PARD3: variants seen among roughly 807,000 people sequenced by gnomAD.
PARD3 encodes partitioning defective 3 homolog.
A neutral mutation model predicts 155.4 loss-of-function variants in PARD3; 75 were observed. That is an observed-to-expected ratio of 0.48 (90% confidence interval 0.40 to 0.58). The LOEUF is 0.58. PARD3 is among the 20% of genes least tolerant of loss of function. The pLI, the probability that PARD3 is intolerant of heterozygous loss-of-function variation, is 0.00. For missense variants in PARD3, 1,642 were observed against 1,721.7 expected (o/e 0.95, Z 0.82); for synonymous variants, 576 against 610.5 (o/e 0.94, Z 0.83).
At chr10:34,785,261 T>C (rs1004648829) in intron 1 of PARD3, among the ~76,000 whole-genome samples, 1 of 152,150 alleles carries the variant, frequency 6.6e-6, no homozygotes, top group African/African-American at 2.4e-5. Context: ...AAATAAATGG[T>C]TTTTCAAATC....
intron 5 of PARD3, among the ~76,000 whole-genome samples, chr10:34,430,509 C>G (rs1292029639): frequency 6.6e-6 from 1 of 152,170 alleles, no homozygotes; most frequent in South Asian, 2.1e-4. Flanking sequence ...CTTGCATGAA[C>G]TAGCATACGG....
chr10:34,552,830 C>A lies in PARD3; in HGVS notation c.223-35671G>T, dbSNP rs546947050. On this transcript the variant is annotated intron_variant, in intron 2 of 24. Transcript: ENST00000374788. ...TTTAATAAACGGACTGAAAAAAACA[C>A]TTAAAATATCAAAATTACTATCAAA... is the stretch of plus-strand genomic sequence containing the variant. Among the ~76,000 whole-genome samples the A allele has an allele frequency of 1.1e-4, 16 of 152,118 alleles. No homozygotes were observed. In the South Asian group the frequency reaches 3.3e-3, roughly 32 times the overall value.
chr10:34,180,272 C>G (rs1176191131), intron 22 of PARD3, among the ~76,000 whole-genome samples: 2 of 152,174 alleles, frequency 1.3e-5, no homozygotes, highest in Non-Finnish European at 2.9e-5. Context: ...GTCTCGGTCT[C>G]CTCACCTCAT....
At chr10:34,543,065 G>A (rs912719539) in intron 2 of PARD3, among the ~76,000 whole-genome samples, 5 of 151,616 alleles carry the variant, frequency 3.3e-5, no homozygotes, top group African/African-American at 1.2e-4. Context: ...AACTTGGTTT[G>A]GATCCATAAG....
intron 1 of PARD3, among the ~76,000 whole-genome samples, chr10:34,769,916 C>T (rs1838651970): frequency 6.6e-6 from 1 of 151,930 alleles, no homozygotes; most frequent in Non-Finnish European, 1.5e-5. Context: ...GGGGTCCTTT[C>T]CTAAGTGACA....
At chr10:34,710,843 C>G (rs1381449084) in intron 1 of PARD3, among the ~76,000 whole-genome samples, 1 of 152,156 alleles carries the variant, frequency 6.6e-6, no homozygotes, top group Non-Finnish European at 1.5e-5. Flanking sequence ...AGAGTTCCAA[C>G]TACCCAAATT....
chr10:34,559,558 G>A (rs2085296244), intron 2 of PARD3, among the ~76,000 whole-genome samples: 2 of 152,078 alleles, frequency 1.3e-5, no homozygotes, highest in African/African-American at 4.8e-5. Flanking sequence ...TGCATTAGCA[G>A]TCAGAAGAAT....
intron 22 of PARD3, among the ~76,000 whole-genome samples, chr10:34,233,799 C>T (rs1178673481): frequency 6.6e-6 from 1 of 152,114 alleles, no homozygotes; most frequent in Non-Finnish European, 1.5e-5. Context: ...CCAGGAGCAG[C>T]AGCAGCTCCC....
rs180801952 is a variant in PARD3 at position 34,801,933 on chromosome 10, C to T, written c.120+12943G>A. Among the ~76,000 whole-genome samples the T allele has an allele frequency of 3.0e-4, 46 of 152,208 alleles. No homozygotes were observed. The East Asian group carries it at 7.5e-3, about 25-fold the overall frequency. On this transcript the variant is annotated intron_variant, in intron 1 of 24. Coordinates refer to ENST00000374788, the MANE Select transcript of PARD3 (RefSeq NM_001184785.2). ...ATTACTAGTTAATAAACACTAAAGGCCTTTAAAACATCTCTGCATTTTATT... is the reference window on the plus strand; with the variant it reads ...ATTACTAGTTAATAAACACTAAAGGTCTTTAAAACATCTCTGCATTTTATT...
chr10:34,403,891 C>T (rs1160850405), intron 5 of PARD3, among the ~76,000 whole-genome samples: 1 of 152,122 alleles, frequency 6.6e-6, no homozygotes, highest in African/African-American at 2.4e-5. Context: ...TAATCTTACA[C>T]ATTACAGATC....
intron 1 of PARD3, among the ~76,000 whole-genome samples, chr10:34,769,524 G>A (rs1048112222): frequency 6.6e-6 from 1 of 151,814 alleles, no homozygotes; most frequent in Non-Finnish European, 1.5e-5. Flanking sequence ...GGGAGGCTGA[G>A]GCAGGTGGAT....
At chr10:34,142,648 A>AAGGAAGGAAGGCAGGAAGGC (rs370723198) in intron 22 of PARD3, among the ~76,000 whole-genome samples, 2,969 of 151,976 alleles carry the variant, frequency 0.02, 100 homozygotes, top group African/African-American at 0.068. Context: ...CGAAGGAAGG[A>AAGGAAGGAAGGCAGGAAGGC]AGGAAGGAAG....
At chr10:34,410,299 GT>G (rs953199656) in intron 5 of PARD3, among the ~76,000 whole-genome samples, 38 of 146,442 alleles carry the variant, frequency 2.6e-4, no homozygotes, top group African/African-American at 7.2e-4. Flanking sequence ...TTTACTTTCA[GT>G]TTTTTTTTTA....
chr10:34,378,127 A>T (rs1297938159), intron 9 of PARD3, 21 bp from the exon 10 acceptor site: 1 of 1,546,472 alleles, frequency 6.5e-7, no homozygotes, highest in Non-Finnish European at 8.7e-7. Context: ...GAAGGAGAAG[A>T]AAAGTAAATA....
chr10:34,288,143 G>A lies in PARD3; in HGVS notation c.3066-3898C>T, dbSNP rs1408467986. On this transcript the variant is annotated intron_variant, in intron 20 of 24. Transcript: ENST00000374788. ...TAAGGACTGCTTGAGCCCAGGAGAT[G>A]GAGGCTGCAGTGATCCATGATTGTG... 2.6e-5 allele frequency among the ~76,000 whole-genome samples: 4 copies of A among 152,074 alleles called. No homozygotes were observed. The East Asian group carries it at 5.8e-4, about 22-fold the overall frequency.
At chr10:34,527,442 A>G (rs1458681800) in intron 2 of PARD3, among the ~76,000 whole-genome samples, 3 of 152,158 alleles carry the variant, frequency 2.0e-5, no homozygotes, top group African/African-American at 7.2e-5. Context: ...CCGTTTAACT[A>G]CTTTAAAGGA....
intron 22 of PARD3, among the ~76,000 whole-genome samples, chr10:34,241,363 G>A (rs888785063): frequency 6.6e-6 from 1 of 152,146 alleles, no homozygotes; most frequent in Non-Finnish European, 1.5e-5. Flanking sequence ...GGAGGCCAGC[G>A]TGGCTGGACA....
At chr10:34,745,388 A>G (rs1218920426) in intron 1 of PARD3, among the ~76,000 whole-genome samples, 1 of 151,262 alleles carries the variant, frequency 6.6e-6, no homozygotes, top group African/African-American at 2.4e-5. Flanking sequence ...GAAAGGAAGT[A>G]AAAGGAAGGA....
At chr10:34,396,311 C>T (rs1843338224) in intron 7 of PARD3, among the ~76,000 whole-genome samples, 2 of 152,034 alleles carry the variant, frequency 1.3e-5, no homozygotes. Flanking sequence ...GATCTCCAGC[C>T]TGTGTGACAG....
Sources: allele counts gnomAD v4.1 joint callset (sites outside exome capture counted in the v4.1 genomes callset), GRCh38; gene constraint gnomAD v4.1.1; transcripts MANE v1.5; gene names NCBI Gene and HGNC (gene_info 2026-07-23, HGNC 2026-07-21).